Variants in NEK5 observed in about 807,000 individuals in gnomAD.
NEK5 encodes the protein serine/threonine-protein kinase Nek5.
Under a neutral mutation model 109.2 loss-of-function variants are expected in NEK5, and 88 were observed. The ratio of observed to expected loss-of-function variants is 0.81; its 90% CI spans 0.68 to 0.96. The LOEUF is 0.96. Among genes scored for constraint, NEK5 ranks in the 40% least tolerant of loss-of-function variants. The pLI, the probability that NEK5 is intolerant of heterozygous loss-of-function variation, is 0.00. For synonymous variants in NEK5, 283 were observed against 299.9 expected, an observed-to-expected ratio of 0.94 and a Z score of 0.58; for missense variants, 834 against 920.7, an observed-to-expected ratio of 0.91 and a Z score of 1.22.
At position 52,041,447 on chromosome 13, in the gene NEK5, T is replaced by C. The variant is rs1954412271; in HGVS notation, c.2229-4229A>G. Among the ~76,000 whole-genome samples the C allele has an allele frequency of 2.0e-5, 3 of 152,070 alleles. No individual in the cohort carries two copies. The South Asian group carries it at 6.2e-4, about 32-fold the overall frequency. On this transcript the variant is annotated intron_variant, in intron 23 of 23. Coordinates refer to ENST00000684899, the MANE Select transcript of NEK5 (RefSeq NM_001365552.1). The stretch of plus-strand genomic sequence containing the variant: ...GTACCCAGATAGGCTTAGAAAACAG[T>C]ATTCAAGGATTCATCCACGCCTGTA...
chr13:52,128,878 G>T (rs978100998), intron 1 of NEK5, 151 bp downstream of exon 1: 1 of 152,442 alleles, frequency 6.6e-6, no homozygotes, highest in Middle Eastern at 3.4e-3. Flanking sequence ...CGCCCTGGAC[G>T]CTACACCCAC....
chr13:52,060,597 C>A (rs559343337), intron 22 of NEK5, among the ~76,000 whole-genome samples: 1 of 152,302 alleles, frequency 6.6e-6, no homozygotes, highest in Non-Finnish European at 1.5e-5. Flanking sequence ...CCACCTGCCT[C>A]GGCCTCCCAA....
chr13:52,110,406 A>G lies in NEK5; in HGVS notation c.401T>C (p.Ile134Thr), dbSNP rs561409445. 5.0e-6 allele frequency: 8 copies of G among 1,613,158 alleles called. No homozygotes were observed. The East Asian group carries it at 1.8e-4, about 36-fold the overall frequency. The change falls in exon 7 of 24, where the codon ATT (isoleucine) becomes ACT (threonine). Residue 134 changes from isoleucine to threonine, a missense_variant. Ile to Thr is a moderately conservative substitution (Grantham distance 89). This residue lies in a region of NEK5 where 777 missense variants were observed against 824.7 expected (regional missense o/e 0.94). Coordinates refer to ENST00000684899, the MANE Select transcript of NEK5 (RefSeq NM_001365552.1). ...ILHRDIKAQN[I>T]FLSKNGMVAK... ...CACCATTCCGTTCTTGCTAAGAAAA[A>G]TGTTCTATAAATGGAGAAAATGTCA... is the stretch of plus-strand genomic sequence containing the variant.
chr13:52,112,464 A>C, intron 4 of NEK5, 99 bp from the exon 5 acceptor site: 1 of 722,054 alleles, frequency 1.4e-6, no homozygotes, highest in Non-Finnish European at 2.4e-6. Context: ...TAATTCCACT[A>C]TACCATTTAT....
At chr13:52,040,179 G>A (rs9596625) in intron 23 of NEK5, among the ~76,000 whole-genome samples, 1 of 150,478 alleles carries the variant, frequency 6.6e-6, no homozygotes, top group South Asian at 2.1e-4. Context: ...CCGCCTCCCA[G>A]GTTCAAATGA....
chr13:52,065,434 CG>C (rs1327336856), intron 21 of NEK5, 49 bp downstream of exon 21: 2 of 1,613,394 alleles, frequency 1.2e-6, no homozygotes, highest in Admixed American at 3.3e-5. Context: ...CTGGGCTGTA[CG>C]GGTCCTTGGT....
At chr13:52,080,092 C>T (rs1333583868) in intron 17 of NEK5, among the ~76,000 whole-genome samples, 1 of 149,074 alleles carries the variant, frequency 6.7e-6, no homozygotes, top group Non-Finnish European at 1.5e-5. Flanking sequence ...AGTGAGGAGC[C>T]TATCCGCCCG....
At position 52,073,021 on chromosome 13, in the gene NEK5, C is replaced by A. The variant is rs897022177; in HGVS notation, c.1723-951G>T. ...TGCTGTGGCAAGGAGAGCCCAAATG[C>A]ATAAATGAGATTTACTTAAAGTTAT... On this transcript the variant is annotated intron_variant, in intron 19 of 23. Coordinates refer to ENST00000684899, the MANE Select transcript of NEK5 (RefSeq NM_001365552.1). 5.3e-5 allele frequency among the ~76,000 whole-genome samples: 8 copies of A among 152,240 alleles called. 1 individual carries two copies. Among genetic ancestry groups the A allele is most frequent in the Non-Finnish European group, 8.8e-5 (6 of 68,014 alleles).
Position 52,127,377 on chromosome 13 carries a change from T to C in NEK5, c.106A>G (p.Asn36Asp). ...GAACTTAACTTTACCTTTTCAAAAT[T>C]GATCTCTTTTATGACACAGTGCTTG... is the stretch of plus-strand genomic sequence containing the variant. The part of the protein sequence containing the change: ...DSKHCVIKEI[N>D]FEKMPIQEKE... The change falls in exon 3 of 24, where the codon AAT becomes GAT. Residue 36 changes from asparagine (N) to aspartate (D), a missense_variant. Physicochemically the swap from Asn to Asp is conservative, Grantham distance 23. Coordinates refer to ENST00000684899, the MANE Select transcript of NEK5 (RefSeq NM_001365552.1). 6.4e-7 allele frequency: 1 copy of C among 1,571,454 alleles called. No homozygotes were observed. Among genetic ancestry groups the C allele is most frequent in the South Asian group, 1.1e-5 (1 of 89,746 alleles).
chr13:52,057,013 G>T (rs1437336472), intron 22 of NEK5, among the ~76,000 whole-genome samples: 1 of 152,070 alleles, frequency 6.6e-6, no homozygotes, highest in Non-Finnish European at 1.5e-5. Context: ...CCAGGAGCTG[G>T]TTTTTCGAAA....
chr13:52,123,557 C>G (rs1327730514), intron 3 of NEK5, among the ~76,000 whole-genome samples: 2 of 152,150 alleles, frequency 1.3e-5, no homozygotes, highest in Non-Finnish European at 2.9e-5. Flanking sequence ...AAGCATCTGT[C>G]CAGTGAATCA....
At chr13:52,120,392 A>C (rs1955944528) in intron 3 of NEK5, among the ~76,000 whole-genome samples, 1 of 152,112 alleles carries the variant, frequency 6.6e-6, no homozygotes, top group African/African-American at 2.4e-5. Flanking sequence ...GAATATTATA[A>C]ACAAAATTAA....
intron 20 of NEK5, among the ~76,000 whole-genome samples, chr13:52,068,822 A>C (rs1165886232): frequency 1.3e-5 from 2 of 151,934 alleles, no homozygotes; most frequent in Admixed American, 1.3e-4. Context: ...ATATTTTAAA[A>C]ATCAGCTAGG....
chr13:52,121,966 T>C (rs543309481), intron 3 of NEK5, among the ~76,000 whole-genome samples: 1 of 151,762 alleles, frequency 6.6e-6, no homozygotes, highest in South Asian at 2.1e-4. Context: ...AGAGTTCTGC[T>C]ATGTTGTCTA....
At chr13:52,050,801 C>A (rs555187056) in intron 22 of NEK5, among the ~76,000 whole-genome samples, 219 of 150,142 alleles carry the variant, frequency 1.5e-3, no homozygotes, top group Admixed American at 4.4e-3. Flanking sequence ...CTCACTGCAA[C>A]CTCTGCCTCC....
chr13:52,123,387 G>A (rs1045382611), intron 3 of NEK5, among the ~76,000 whole-genome samples: 1 of 152,090 alleles, frequency 6.6e-6, no homozygotes, highest in African/African-American at 2.4e-5. Context: ...GTCAATTTTT[G>A]ATTATACTAA....
Position 52,102,234 on chromosome 13 carries a change from G to T in NEK5, c.668C>A (p.Pro223Gln). ...CTCACGAGAAAACCCCGGAGATATT[G>T]GGGCAAAATGTGCTTGACAAATCTT... ...VLKICQAHFAPISPGFSRELH... is the reference protein window; with the variant it reads ...VLKICQAHFAQISPGFSRELH... Residue 223 changes from proline (P) to glutamine (Q), a missense_variant, in exon 10 of 24, where the codon CCA (proline) becomes CAA (glutamine). By Grantham distance (76) the Pro-to-Gln change is moderately conservative. Around this residue, in one of 2 missense-constraint regions of NEK5, gnomAD observed 777 missense variants for 824.7 expected, o/e 0.94. Coordinates refer to ENST00000684899, the MANE Select transcript of NEK5 (RefSeq NM_001365552.1). The T allele has an allele frequency of 6.2e-7, 1 of 1,614,060 alleles. No homozygotes were observed. The highest frequency in any genetic ancestry group is 8.5e-7 in the Non-Finnish European group (1 of 1,179,926).
At chr13:52,112,230 A>C in intron 5 of NEK5, 38 bp downstream of exon 5, 1 of 1,080,872 alleles carries the variant, frequency 9.3e-7, no homozygotes, top group Non-Finnish European at 1.4e-6. Flanking sequence ...CCCCCACCAC[A>C]CATACATAAA....
At chr13:52,074,183 T>G (rs1216760732) in intron 19 of NEK5, among the ~76,000 whole-genome samples, 1 of 152,156 alleles carries the variant, frequency 6.6e-6, no homozygotes, top group Non-Finnish European at 1.5e-5. Flanking sequence ...AAAGTAATTC[T>G]AAGCAAAAAG....
Sources: gnomAD v4.1 joint callset for allele counts (sites outside exome capture counted in the v4.1 genomes callset) on GRCh38, gnomAD v4.1.1 for gene constraint, gnomAD v4.1.1 regional missense constraint, MANE v1.5 for transcripts, NCBI Gene and HGNC (gene_info 2026-07-23, HGNC 2026-07-21) for gene names.